The following ADAMTSL1 variants were observed in gnomAD, a reference collection of about 807,000 sequenced individuals.
ADAMTSL1 encodes ADAMTS-like protein 1.
ADAMTSL1 carries 126 observed loss-of-function variants against 201.8 expected under a neutral mutation model. The ratio of observed to expected loss-of-function variants is 0.62; its 90% confidence interval spans 0.54 to 0.72. The LOEUF (loss-of-function observed/expected upper bound fraction) is 0.72. ADAMTSL1 is among the 30% of genes least tolerant of loss of function. The probability of loss-of-function intolerance (pLI) is 0.00; values close to 1 mark genes in which losing one functional copy is unlikely to be tolerated. For missense variants in ADAMTSL1, 2,679 were observed against 2,277.8 expected (o/e 1.18, Z -3.59); for synonymous variants, 1,121 against 903.4 (o/e 1.24, Z -4.32).
At chr9:18,639,467 T>G (rs978034178) in intron 7 of ADAMTSL1, 56 bp downstream of exon 7, 31 of 1,576,454 alleles carry the variant, frequency 2.0e-5, no homozygotes, top group Non-Finnish European at 2.6e-5. Flanking sequence ...ATGTTACTTA[T>G]AATTTCCTGA....
intron 2 of ADAMTSL1, among the ~76,000 whole-genome samples, chr9:18,524,855 G>A (rs1818933389): frequency 2.0e-5 from 3 of 152,296 alleles, no homozygotes; most frequent in Non-Finnish European, 2.9e-5. Flanking sequence ...GTATTTTATT[G>A]AGGATTTTTG....
At chr9:18,094,837 A>T (rs1373143225) in intron 1 of ADAMTSL1, among the ~76,000 whole-genome samples, 1 of 150,986 alleles carries the variant, frequency 6.6e-6, no homozygotes, top group African/African-American at 2.4e-5. Flanking sequence ...AAGTACCTGG[A>T]TTACAAGTCT....
At chr9:18,046,307 G>T (rs1166008706) in intron 1 of ADAMTSL1, among the ~76,000 whole-genome samples, 1 of 152,156 alleles carries the variant, frequency 6.6e-6, no homozygotes, top group Non-Finnish European at 1.5e-5. Context: ...GCCTTTTCTA[G>T]CTTGTTGGTC....
rs56662538 is a variant in ADAMTSL1 at position 18,655,806 on chromosome 9, T to TAAA, written c.835-1804_835-1802dup. 9.7e-4 allele frequency among the ~76,000 whole-genome samples: 79 copies of TAAA among 81,840 alleles called. 1 individual carries two copies. The South Asian group carries it at 0.017, about 18-fold the overall frequency. 53.7% of individuals were successfully genotyped at this position (81,840 alleles called of 152,430 possible). A position where few individuals can be genotyped will look rare whatever the true frequency, so the allele number is the denominator to read the frequency against. The stretch of plus-strand genomic sequence containing the variant: ...AGAGAGCTAGAGGCTTTTGTGAGCT[T>TAAA]AAAAAAAAAAAAAAAAAAAAAAAAA... On this transcript the variant is annotated intron_variant, in intron 7 of 28. Transcript: ENST00000380548.
chr9:18,005,660 G>C (rs1360237), intron 1 of ADAMTSL1, among the ~76,000 whole-genome samples: 80,674 of 151,854 alleles, frequency 0.53, 21,682 homozygotes, highest in African/African-American at 0.6. Flanking sequence ...ACAGATCTTT[G>C]CTATGAAGCA....
At chr9:18,018,035 T>C (rs1820329632) in intron 1 of ADAMTSL1, among the ~76,000 whole-genome samples, 1 of 152,126 alleles carries the variant, frequency 6.6e-6, no homozygotes, top group Non-Finnish European at 1.5e-5. Flanking sequence ...CCTCTTTTGG[T>C]ACAGCTCTCA....
chr9:18,760,686 T>C (rs1433811), intron 16 of ADAMTSL1, among the ~76,000 whole-genome samples: 84,084 of 152,054 alleles, frequency 0.55, 23,419 homozygotes, highest in Admixed American at 0.64. Context: ...CACCATGTGC[T>C]CCTAATCTAA....
chr9:18,648,795 A>G (rs1287526550), intron 7 of ADAMTSL1, among the ~76,000 whole-genome samples: 3 of 151,856 alleles, frequency 2.0e-5, no homozygotes, highest in Non-Finnish European at 4.4e-5. Flanking sequence ...GGGTAACCCG[A>G]CCTTTCTCTC....
chr9:18,276,217 G>C (rs1008363170), intron 2 of ADAMTSL1, among the ~76,000 whole-genome samples: 33 of 151,570 alleles, frequency 2.2e-4, no homozygotes, highest in African/African-American at 7.8e-4. Context: ...TTATTAAGTT[G>C]AACGGCTTCA....
Position 18,810,160 on chromosome 9 carries a change from C to G in ADAMTSL1, c.3806-6949C>G, listed in dbSNP as rs568042714. 2.3e-4 allele frequency among the ~76,000 whole-genome samples: 35 copies of G among 152,228 alleles called. 1 individual carries two copies. Among genetic ancestry groups the G allele is most frequent in the Admixed American group, 7.8e-4 (12 of 15,290 alleles). The stretch of plus-strand genomic sequence containing the variant: ...ATTGTGGCCATACATTTACTATGCT[C>G]AACAATCATTATAGTACTAAATCAC... On this transcript the variant is annotated intron_variant, in intron 20 of 28. Transcript: ENST00000380548.
chr9:18,363,106 A>G (rs1057257071), intron 2 of ADAMTSL1, among the ~76,000 whole-genome samples: 4 of 152,196 alleles, frequency 2.6e-5, no homozygotes, highest in African/African-American at 9.6e-5. Context: ...ATGGGAGACA[A>G]AGCAACTGAC....
At chr9:17,922,347 A>T (rs907888620) in intron 1 of ADAMTSL1, among the ~76,000 whole-genome samples, 2 of 152,150 alleles carry the variant, frequency 1.3e-5, no homozygotes, top group African/African-American at 4.8e-5. Flanking sequence ...CACAAACTTC[A>T]GTGTGCCTAA....
chr9:18,440,678 C>A (rs1299352707), intron 2 of ADAMTSL1, among the ~76,000 whole-genome samples: 1 of 151,334 alleles, frequency 6.6e-6, no homozygotes, highest in Non-Finnish European at 1.5e-5. Flanking sequence ...CTAAAAATTA[C>A]CGCAATTTTA....
At chr9:18,396,921 G>A (rs1169264841) in intron 2 of ADAMTSL1, among the ~76,000 whole-genome samples, 2 of 152,044 alleles carry the variant, frequency 1.3e-5, no homozygotes, top group Non-Finnish European at 1.5e-5. Context: ...CTAAATAGGG[G>A]TCCTAAGAAA....
At chr9:18,816,148 C>T (rs563313901) in intron 20 of ADAMTSL1, among the ~76,000 whole-genome samples, 1 of 152,184 alleles carries the variant, frequency 6.6e-6, no homozygotes, top group African/African-American at 2.4e-5. Context: ...TCTCCCCGCT[C>T]CCTTCCCCAG....
In ADAMTSL1 at chr9:18,223,852, T is replaced by G. The variant is rs539488246; in HGVS notation, c.207+59871T>G. Among the ~76,000 whole-genome samples, 8 of 152,184 alleles carry G rather than the reference T, an allele frequency of 5.3e-5. No individual in the cohort carries two copies. The East Asian group carries it at 1.5e-3, about 29-fold the overall frequency. The stretch of plus-strand genomic sequence containing the variant: ...AATACATTTTCTTTTGAACTTACCA[T>G]GGGAAATTTTTGAGGCCTGGGTTTA... On this transcript the variant is annotated intron_variant, in intron 2 of 29. Coordinates refer to the ADAMTSL1 transcript ENST00000680146.
chr9:17,914,248 TG>T (rs1825999315), intron 1 of ADAMTSL1, among the ~76,000 whole-genome samples: 1 of 152,182 alleles, frequency 6.6e-6, no homozygotes, highest in Non-Finnish European at 1.5e-5. Context: ...ATATCCTTGA[TG>T]AACATTGATG....
chr9:18,466,947 G>C (rs1329174040), intron 2 of ADAMTSL1, among the ~76,000 whole-genome samples: 1 of 151,802 alleles, frequency 6.6e-6, no homozygotes, highest in Non-Finnish European at 1.5e-5. Context: ...TGTTTTCCCT[G>C]GTTTTCAGAA....
intron 2 of ADAMTSL1, among the ~76,000 whole-genome samples, chr9:18,177,182 A>T (rs190762428): frequency 3.7e-4 from 57 of 152,290 alleles, no homozygotes; most frequent in African/African-American, 1.3e-3. Context: ...TTCTATGGGG[A>T]CTGTTCATCT....
Sources: allele counts gnomAD v4.1 joint callset (sites outside exome capture counted in the v4.1 genomes callset), GRCh38; gene constraint gnomAD v4.1.1; transcripts MANE v1.5; gene names NCBI Gene and HGNC (gene_info 2026-07-23, HGNC 2026-07-21).